WDR4: variants seen among roughly 807,000 people sequenced by gnomAD.
The protein encoded by WDR4 is tRNA (guanine-N(7)-)-methyltransferase non-catalytic subunit WDR4.
Under a neutral mutation model 48.6 loss-of-function variants are expected in WDR4, and 47 were observed. The observed-to-expected ratio is 0.97, with a 90% CI of 0.77 to 1.23. The LOEUF is 1.23. Ranked by LOEUF, WDR4 falls within the 50% of genes most tolerant of loss-of-function variation. The pLI is 0.00. For synonymous variants in WDR4, 268 were observed against 230.0 expected (o/e 1.17, Z -1.49); for missense variants, 606 against 551.6 (o/e 1.10, Z -0.99).
the WDR4 span, among the ~76,000 whole-genome samples, chr21:42,892,368 G>A: frequency 6.6e-6 from 1 of 151,322 alleles, no homozygotes; most frequent in Non-Finnish European, 1.5e-5. Flanking sequence ...TATTCTTTTT[G>A]CCTCCCAGGG....
chr21:42,843,612 C>T (rs8128860), intron 11 of WDR4, among the ~76,000 whole-genome samples: 3 of 151,686 alleles, frequency 2.0e-5, no homozygotes, highest in Non-Finnish European at 2.9e-5. Flanking sequence ...CTTGCTCTGT[C>T]GCCCAGGCTG....
chr21:42,850,070 C>A lies in WDR4; in HGVS notation c.1218G>T (p.Gly406=), dbSNP rs144672912. 1 of 1,614,120 alleles carries A rather than the reference C, an allele frequency of 6.2e-7. No individual in the cohort carries two copies. The highest frequency in any genetic ancestry group is 8.5e-7 in the Non-Finnish European group (1 of 1,179,992). Residue 406 remains glycine (G), a synonymous_variant, in exon 11 of 11, where the codon GGG becomes GGT. Coordinates refer to ENST00000398208, the MANE Select transcript of WDR4 (RefSeq NM_018669.6). ...ACGATCAGCAACTTAGCGTCGCCTC[C>A]CCCGGTCTCATCTTCTTGGCATGCC... ...PDGHAKKMRP[G]EATLSC
rs1426481499 is a variant in WDR4, at chr21:42,849,330, T to G, written c.*719A>C. The G allele has an allele frequency of 2.0e-5, 3 of 152,372 alleles. No homozygotes were observed. Among genetic ancestry groups the G allele is most frequent in the African/African-American group, 4.8e-5 (2 of 41,452 alleles). 9.4% of individuals were successfully genotyped at this position (152,372 alleles called of 1,614,324 possible). On this transcript the variant is annotated 3_prime_UTR_variant, in exon 11 of 11. Coordinates refer to ENST00000398208, the MANE Select transcript of WDR4 (RefSeq NM_018669.6). ...AAATTCAGCAACATCCCTGTGGCTC[T>G]GCAGTGTGTGCCAAGGTCAAATCAA...
At chr21:42,866,349 A>C (rs1162361014) in intron 3 of WDR4, among the ~76,000 whole-genome samples, 1 of 152,200 alleles carries the variant, frequency 6.6e-6, no homozygotes. Flanking sequence ...TCCCAGCAGC[A>C]GCACAGTAAC....
downstream of WDR4, among the ~76,000 whole-genome samples, chr21:42,848,448 C>CTCA (rs2057732782): frequency 9.0e-6 from 1 of 110,708 alleles, no homozygotes; most frequent in African/African-American, 3.9e-5. Flanking sequence ...GCGGCGCGCA[C>CTCA]CTCACACAGC....
chr21:42,874,897 T>G (rs8129620), intron 2 of WDR4, among the ~76,000 whole-genome samples: 1 of 151,752 alleles, frequency 6.6e-6, no homozygotes, highest in Non-Finnish European at 1.5e-5. Flanking sequence ...TTGTGAAGCA[T>G]GTGATCTCTG....
chr21:42,887,685 GTC>G, the WDR4 span, among the ~76,000 whole-genome samples: 2 of 152,140 alleles, frequency 1.3e-5, no homozygotes, highest in Non-Finnish European at 2.9e-5. Flanking sequence ...GCCATGTGTG[GTC>G]TCTGTTTCTG....
intron 3 of WDR4, among the ~76,000 whole-genome samples, chr21:42,865,816 T>TAGCA (rs2058232945): frequency 6.6e-6 from 1 of 151,390 alleles, no homozygotes; most frequent in South Asian, 2.1e-4. Flanking sequence ...CAGCAGAACC[T>TAGCA]AGCAAGTAAC....
chr21:42,856,499 G>A (rs140770380), intron 6 of WDR4, among the ~76,000 whole-genome samples: 1 of 152,088 alleles, frequency 6.6e-6, no homozygotes, highest in Non-Finnish European at 1.5e-5. Flanking sequence ...CTGACTCCCA[G>A]GCCCAGGCAA....
downstream of WDR4, among the ~76,000 whole-genome samples, chr21:42,847,420 G>A (rs944623692): frequency 3.9e-5 from 6 of 152,228 alleles, no homozygotes; most frequent in Non-Finnish European, 5.9e-5. Context: ...AGGCAGCTGC[G>A]CCATCCACTG....
At chr21:42,846,274 G>A (rs2057710618), downstream of WDR4, among the ~76,000 whole-genome samples, 1 of 152,216 alleles carries the variant, frequency 6.6e-6, no homozygotes, top group Non-Finnish European at 1.5e-5. Flanking sequence ...TTGGCATACA[G>A]AGCACTGAGA....
At chr21:42,868,239 A>G (rs2058292605) in intron 3 of WDR4, among the ~76,000 whole-genome samples, 1 of 152,160 alleles carries the variant, frequency 6.6e-6, no homozygotes, top group African/African-American at 2.4e-5. Context: ...AAGAAGCTCC[A>G]CTGTTAGGAA....
In WDR4 at chr21:42,862,403, C is replaced by T. The variant is rs770542437; in HGVS notation, c.454-9G>A. On this transcript the variant is annotated splice_polypyrimidine_tract_variant and intron_variant, in intron 4 of 10. Coordinates refer to ENST00000398208, the MANE Select transcript of WDR4 (RefSeq NM_018669.6). This position sits in a 1 kb window ranked among gnomAD's most constrained non-coding sequence, Gnocchi z 4.3. ...TCATCAGGACTCACAGCCTGCATCA[C>T]CAGGGGCCAGAAAAGAAAAAGCCGC... The T allele has an allele frequency of 7.5e-6, 12 of 1,591,788 alleles. No homozygotes were observed. The highest frequency in any genetic ancestry group is 1.0e-5 in the Non-Finnish European group (12 of 1,168,584).
In WDR4 at chr21:42,853,772, G is replaced by A. The variant is rs1441023499; in HGVS notation, c.792-20C>T. On this transcript the variant is annotated intron_variant, in intron 8 of 10. Transcript: ENST00000398208. ...GGAGTGCTTGCCACGAAGAAAGAGA[G>A]CATGATTACTAGGACTGCAGGCCCA... 6.5e-7 allele frequency: 1 copy of A among 1,544,466 alleles called. No homozygotes were observed.
chr21:42,859,588 C>G, intron 6 of WDR4, 74 bp downstream of exon 6: 5 of 714,566 alleles, frequency 7.0e-6, no homozygotes, highest in Non-Finnish European at 1.1e-5. Context: ...GGGGCCAGGT[C>G]CAGGAGGCGC....
chr21:42,862,727 T>C lies in WDR4; in HGVS notation c.454-333A>G, dbSNP rs546503051. Among the ~76,000 whole-genome samples, 13 of 146,782 alleles carry C rather than the reference T, an allele frequency of 8.9e-5. No homozygotes were observed. In the East Asian group the frequency reaches 2.6e-3, roughly 29 times the overall value. On this transcript the variant is annotated intron_variant, in intron 4 of 10. Coordinates refer to ENST00000398208, the MANE Select transcript of WDR4 (RefSeq NM_018669.6). This position sits in a 1 kb window ranked among gnomAD's most constrained non-coding sequence, Gnocchi z 4.3. ...CCATTTCCACCCGCCACAGGCCTGC[T>C]GCACCCTCCTGCCCAACACTGGGTT... is the stretch of plus-strand genomic sequence containing the variant.
chr21:42,861,239 G>A (rs1451031396), intron 5 of WDR4, among the ~76,000 whole-genome samples: 1 of 150,854 alleles, frequency 6.6e-6, no homozygotes, highest in African/African-American at 2.5e-5. Flanking sequence ...GCTTGAACCT[G>A]GAAGGCAGAG....
At chr21:42,886,667 C>T in the WDR4 span, 1 of 152,286 alleles carries the variant, frequency 6.6e-6, no homozygotes, top group Admixed American at 6.5e-5. Flanking sequence ...GCAGGCTGTG[C>T]TTCTCAGCCT....
intron 11 of WDR4, chr21:42,843,294 G>A (rs1744121847): frequency 1.3e-5 from 2 of 151,788 alleles, no homozygotes; most frequent in South Asian, 4.1e-4. Context: ...AGATATGACA[G>A]TAATAATGAA....
Sources: gnomAD v4.1 joint callset for allele counts (sites outside exome capture counted in the v4.1 genomes callset) on GRCh38, gnomAD v4.1.1 for gene constraint, Gnocchi (gnomAD v3.1) non-coding constraint, MANE v1.5 for transcripts, NCBI Gene and HGNC (gene_info 2026-07-23, HGNC 2026-07-21) for gene names.